XKRX: variants seen among roughly 807,000 people sequenced by gnomAD.
XKRX encodes XK-related protein 2.
A neutral mutation model predicts 22.4 loss-of-function variants in XKRX; 11 were observed. The observed-to-expected ratio is 0.49, with a 90% CI of 0.31 to 0.81. The LOEUF (loss-of-function observed/expected upper bound fraction) is 0.81. XKRX is among the 40% of genes least tolerant of loss of function. XKRX has a pLI of 0.05. For synonymous variants in XKRX, 114 were observed against 132.2 expected, an observed-to-expected ratio of 0.86 and a Z score of 0.94; for missense variants, 320 against 336.5, an observed-to-expected ratio of 0.95 and a Z score of 0.38.
At chrX:100,927,587 C>T (rs1270009193) in intron 1 of XKRX, among the ~76,000 whole-genome samples, 10 of 111,129 alleles carry the variant, frequency 9.0e-5, no homozygotes. Context: ...TGCAGTGAGC[C>T]ATGATCGCAC....
chrX:100,937,337 C>T, the XKRX span, among the ~76,000 whole-genome samples: 1,365 of 111,582 alleles, frequency 0.012, 20 homozygotes, highest in African/African-American at 0.042. Context: ...TAACTGTACA[C>T]GACCTGGAAT....
chrX:100,893,960 T>G, the XKRX span, among the ~76,000 whole-genome samples: 1 of 112,473 alleles, frequency 8.9e-6, no homozygotes, highest in Non-Finnish European at 1.9e-5. Flanking sequence ...ACTACTTGAA[T>G]CTAAAATAAA....
the XKRX span, among the ~76,000 whole-genome samples, chrX:100,902,197 G>A: frequency 9.0e-6 from 1 of 111,611 alleles, no homozygotes; most frequent in African/African-American, 3.3e-5. Flanking sequence ...CAAAGAATAA[G>A]TCTAGAAATT....
chrX:100,906,307 A>T, the XKRX span, among the ~76,000 whole-genome samples: 1 of 111,896 alleles, frequency 8.9e-6, no homozygotes, highest in East Asian at 2.8e-4. Context: ...GATGTTGTAC[A>T]TTCTATGGGT....
chrX:100,926,424 T>G (rs1310868256), intron 1 of XKRX, among the ~76,000 whole-genome samples: 3 of 112,458 alleles, frequency 2.7e-5, no homozygotes, highest in East Asian at 5.6e-4. Context: ...ATAAAAAATT[T>G]TTTTGGCCTT....
chrX:100,909,902 C>CAAAAA (rs5903174), downstream of XKRX, among the ~76,000 whole-genome samples: 20 of 34,551 alleles, frequency 5.8e-4, no homozygotes, highest in Admixed American at 9.9e-4. Context: ...GACTCCATCT[C>CAAAAA]AAAAAAAAAA....
chrX:100,897,272 T>C, the XKRX span, among the ~76,000 whole-genome samples: 7 of 111,131 alleles, frequency 6.3e-5, no homozygotes, highest in African/African-American at 2.3e-4. Context: ...ATAAACTCAT[T>C]ATATTTTTCA....
At chrX:100,902,157 A>G in the XKRX span, among the ~76,000 whole-genome samples, 2 of 112,394 alleles carry the variant, frequency 1.8e-5, no homozygotes, top group Non-Finnish European at 3.7e-5. Context: ...TTTGGAAATT[A>G]AACAATACAG....
At chrX:100,923,799 C>T (rs1450906157) in intron 1 of XKRX, among the ~76,000 whole-genome samples, 3 of 109,303 alleles carry the variant, frequency 2.7e-5, no homozygotes, top group African/African-American at 9.9e-5. Context: ...AGCTCCATAA[C>T]CAAAGTTTTA....
At chrX:100,920,233 A>AAT (rs35242328) in intron 2 of XKRX, among the ~76,000 whole-genome samples, 23,283 of 109,519 alleles carry the variant, frequency 0.21, 2,332 homozygotes, top group African/African-American at 0.36. Flanking sequence ...GGAGAATAAA[A>AAT]AGTCTAATTC....
chrX:100,923,379 C>A lies in XKRX; in HGVS notation c.336-318G>T, dbSNP rs183143123. Among the ~76,000 whole-genome samples, 3 of 111,932 alleles carry A rather than the reference C, an allele frequency of 2.7e-5. No individual in the cohort carries two copies. The Admixed American group carries it at 2.8e-4, about 11-fold the overall frequency. On this transcript the variant is annotated intron_variant, in intron 1 of 2. Transcript: ENST00000372956. The stretch of plus-strand genomic sequence containing the variant: ...CCCAGACTGGTCTCAAACTCCTGGG[C>A]TCAAGCAATCCTACTGCCTTGACCC...
chrX:100,901,172 A>G, the XKRX span, among the ~76,000 whole-genome samples: 724 of 111,486 alleles, frequency 6.5e-3, 8 homozygotes, highest in African/African-American at 0.022. Flanking sequence ...GTATGTATCT[A>G]TCTATATACA....
rs774244421 is a variant in XKRX, at chrX:100,915,102, A to T, written c.605-19T>A. On this transcript the variant is annotated intron_variant, in intron 2 of 2. Coordinates refer to ENST00000372956, the MANE Select transcript of XKRX (RefSeq NM_212559.3). ...AGCACAACTGTTAAAAACAAAAACA[A>T]AAACAAAAACAGGCAATCAGTCAAT... The T allele has an allele frequency of 2.5e-6, 3 of 1,197,180 alleles. 1 individual carries two copies. In the Admixed American group the frequency reaches 6.7e-5, roughly 27 times the overall value.
chrX:100,915,705 TGTGC>T (rs1304132514), intron 2 of XKRX, among the ~76,000 whole-genome samples: 1 of 103,401 alleles, frequency 9.7e-6, no homozygotes, highest in African/African-American at 4.0e-5. Flanking sequence ...TGTGTGTGTG[TGTGC>T]GTGTGTGTGT....
chrX:100,957,177 G>T, the XKRX span: 5 of 1,077,054 alleles, frequency 4.6e-6, no homozygotes, highest in East Asian at 1.2e-4. Context: ...TCACAAAAAG[G>T]ATTCTGGCTT....
At chrX:100,915,163 C>A (rs60613976) in intron 2 of XKRX, 80 bp from the exon 3 acceptor site, 1 of 1,048,374 alleles carries the variant, frequency 9.5e-7, no homozygotes, top group South Asian at 2.3e-5. Context: ...ACCCAGAGGT[C>A]CAGAGAGATG....
chrX:100,919,171 CA>C (rs1183049252), intron 2 of XKRX, among the ~76,000 whole-genome samples: 1 of 111,750 alleles, frequency 8.9e-6, no homozygotes, highest in Non-Finnish European at 1.9e-5. Context: ...ATCGGAATCT[CA>C]ATGAAATGTT....
chrX:100,892,477 A>T, the XKRX span, among the ~76,000 whole-genome samples: 1 of 112,237 alleles, frequency 8.9e-6, no homozygotes, highest in African/African-American at 3.2e-5. Flanking sequence ...AAAAAAAATT[A>T]AAATAAATGT....
chrX:100,916,891 G>A (rs966933318), intron 2 of XKRX, among the ~76,000 whole-genome samples: 2 of 112,441 alleles, frequency 1.8e-5, no homozygotes, highest in Non-Finnish European at 3.8e-5. Flanking sequence ...GGCCAAGGCG[G>A]ATGGATCACC....
Sources: allele counts gnomAD v4.1 joint callset (sites outside exome capture counted in the v4.1 genomes callset), GRCh38; gene constraint gnomAD v4.1.1; transcripts MANE v1.5; gene names NCBI Gene and HGNC (gene_info 2026-07-23, HGNC 2026-07-21).